Variants in VIL1 observed in about 807,000 individuals in gnomAD.
VIL1 encodes villin 1.
A neutral mutation model predicts 104.0 loss-of-function variants in VIL1; 86 were observed. The observed-to-expected ratio is 0.83, with a 90% CI of 0.69 to 0.99. The LOEUF (loss-of-function observed/expected upper bound fraction) is 0.99, where lower values mean the gene tolerates loss of function less well. VIL1 is among the 50% of genes least tolerant of loss of function. The pLI, the probability that VIL1 is intolerant of heterozygous loss-of-function variation, is 0.00. For missense variants in VIL1, 944 were observed against 1,054.1 expected, an observed-to-expected ratio of 0.90 and a Z score of 1.45; for synonymous variants, 394 against 412.6, an observed-to-expected ratio of 0.95 and a Z score of 0.55.
At chr2:218,449,131 C>T (rs1466143366) in intron 19 of VIL1, 92 bp from the exon 20 acceptor site, 1 of 856,452 alleles carries the variant, frequency 1.2e-6, no homozygotes, top group Non-Finnish European at 2.0e-6. Context: ...TTATATACCA[C>T]ATCTATGACT....
rs144272948 is a variant in VIL1, at chr2:218,432,174, C to G, written c.1332C>G (p.Tyr444Ter). ...GCGAGAAGCAGCATTACCTGCTCTA[C>G]GTTTGGCAGGTCAGGTCCCGCCACG... ...LIGEKQHYLLYVWQGSQASQD... is the reference protein window; with the variant it reads ...LIGEKQHYLL The change falls in exon 12 of 20, where the codon TAC (tyrosine) becomes TAG (stop). Residue 444 changes from tyrosine to a stop codon, truncating the protein, a stop_gained. Coordinates refer to ENST00000248444, the MANE Select transcript of VIL1 (RefSeq NM_007127.3). LOFTEE classifies it high-confidence loss of function. 3.7e-6 allele frequency: 6 copies of G among 1,612,858 alleles called. No homozygotes were observed. The highest frequency in any genetic ancestry group is 1.7e-4 in the Middle Eastern group (1 of 5,862).
intron 12 of VIL1, 96 bp from the exon 13 acceptor site, chr2:218,432,697 G>A (rs1051216963): frequency 1.8e-5 from 28 of 1,519,878 alleles, no homozygotes; most frequent in Non-Finnish European, 2.3e-5. Flanking sequence ...TTTAGGACCA[G>A]TTCAGACTTG....
At position 218,425,786 on chromosome 2, in the gene VIL1, C is replaced by T. The variant is rs767278175; in HGVS notation, c.322C>T (p.Arg108Ter). The T allele has an allele frequency of 7.4e-6, 12 of 1,611,736 alleles. No homozygotes were observed. The highest frequency in any genetic ancestry group is 6.7e-5 in the East Asian group (3 of 44,878). The change falls in exon 4 of 20, where the codon CGA becomes TGA. Residue 108 changes from arginine (R) to a stop codon, truncating the protein, a stop_gained. Transcript: ENST00000248444. LOFTEE classifies it high-confidence loss of function. ...EVQGNESEAF[R>*]GYFKQGLVIR... is the part of the protein sequence containing the mutation. The stretch of plus-strand genomic sequence containing the variant: ...CCAGGGCAACGAGAGCGAGGCCTTC[C>T]GAGGCTACTTCAAGCAAGGCCTTGT...
rs1377653778 is a variant in VIL1, at chr2:218,436,578, G to C, written c.1923G>C (p.Gln641His). Reference sequence around the variant, plus strand: ...CCACAGAGATCCCTGACTTCAATCAGGATGACTTGGAAGAGGATGATGTGT... The same window carrying C: ...CCACAGAGATCCCTGACTTCAATCACGATGACTTGGAAGAGGATGATGTGT... ...FLATEIPDFNQDDLEEDDVFL... is the reference protein window; with the variant it reads ...FLATEIPDFNHDDLEEDDVFL... The change falls in exon 16 of 20, where the codon CAG becomes CAC. Residue 641 changes from glutamine to histidine, a missense_variant. Physicochemically the swap from Gln to His is conservative, Grantham distance 24 (BLOSUM62 0). Transcript: ENST00000248444. 1.2e-6 allele frequency: 2 copies of C among 1,613,978 alleles called. No homozygotes were observed. The highest frequency in any genetic ancestry group is 2.7e-5 in the African/African-American group (2 of 74,864).
chr2:218,440,912 C>T, intron 19 of VIL1, 50 bp downstream of exon 19: 1 of 1,603,702 alleles, frequency 6.2e-7, no homozygotes, highest in Non-Finnish European at 8.5e-7. Context: ...GTTGGACCAC[C>T]ATAGTTGACT....
rs1313328951 is a variant in VIL1 at position 218,450,978 on chromosome 2, C to A, written c.*1642C>A. ...CCTGAAGTCTAGTAATCAAAGCATG[C>A]CATAAGGTGAATGATTGTGGTTAAA... On this transcript the variant is annotated 3_prime_UTR_variant, in exon 20 of 20. Coordinates refer to ENST00000248444, the MANE Select transcript of VIL1 (RefSeq NM_007127.3). 1 of 152,056 alleles carries A rather than the reference C, an allele frequency of 6.6e-6. No homozygotes were observed. The highest frequency in any genetic ancestry group is 2.4e-5 in the African/African-American group (1 of 41,364). The allele number at this position is 152,056 out of a possible 1,614,324, so 9.4% of individuals were successfully genotyped here.
chr2:218,423,085 T>C (rs1464084873), intron 1 of VIL1, among the ~76,000 whole-genome samples: 1 of 152,088 alleles, frequency 6.6e-6, no homozygotes, highest in Admixed American at 6.6e-5. Flanking sequence ...CAGGAGCGAA[T>C]ACAGCTACAG....
rs1689235086 is a variant in VIL1 at position 218,438,675 on chromosome 2, G to A, written c.2178G>A (p.Glu726=). Residue 726 remains glutamate, a synonymous_variant, in exon 18 of 20, where the codon GAG becomes GAA. Transcript: ENST00000248444. ...ATGTGCAGAACACCAAATCCTATGA[G>A]GACCTGAAGGCGGAGCTTGGCAACT... ...PFKWSNTKSY[E]DLKAELGNSR... The A allele has an allele frequency of 3.7e-6, 6 of 1,612,488 alleles. No individual in the cohort carries two copies. Among genetic ancestry groups the A allele is most frequent in the Admixed American group, 1.7e-5 (1 of 59,790 alleles).
At chr2:218,439,682 T>G (rs1414748346) in intron 18 of VIL1, among the ~76,000 whole-genome samples, 1 of 151,304 alleles carries the variant, frequency 6.6e-6, no homozygotes, top group Non-Finnish European at 1.5e-5. Flanking sequence ...CCAGGTGTGG[T>G]GGTGCGTGCT....
rs775345365 is a variant in VIL1 at position 218,440,830 on chromosome 2, C to T, written c.2338C>T (p.Leu780Phe). ...GCTAGTGAACAAGCCTGTAGAGGAGCTCCCCGAGGGTGTGGACCCCAGCAG... is the reference window on the plus strand; with the variant it reads ...GCTAGTGAACAAGCCTGTAGAGGAGTTCCCCGAGGGTGTGGACCCCAGCAG... ...EQLVNKPVEE[L>F]PEGVDPSRKE... Residue 780 changes from leucine (L) to phenylalanine (F), a missense_variant, in exon 19 of 20, where the codon CTC (leucine) becomes TTC (phenylalanine). Leu to Phe is a conservative substitution (Grantham distance 22). Coordinates refer to ENST00000248444, the MANE Select transcript of VIL1 (RefSeq NM_007127.3). 4 of 1,614,146 alleles carry T rather than the reference C, an allele frequency of 2.5e-6. No homozygotes were observed. The highest frequency in any genetic ancestry group is 1.1e-5 in the South Asian group (1 of 91,076).
rs190522081 is a variant in VIL1 at position 218,443,260 on chromosome 2, G to A, written c.2370+2398G>A. ...GTCGCCCAGGCTGGAGTGCAGTGGC[G>A]CGATCTCGGCTCACTGCAACCTCTG... On this transcript the variant is annotated intron_variant, in intron 19 of 19. Transcript: ENST00000248444. 2.0e-5 allele frequency among the ~76,000 whole-genome samples: 3 copies of A among 149,972 alleles called. No individual in the cohort carries two copies. In the Admixed American group the frequency reaches 2.0e-4, roughly 10 times the overall value.
At chr2:218,427,220 G>A (rs1392006549) in intron 4 of VIL1, among the ~76,000 whole-genome samples, 1 of 152,140 alleles carries the variant, frequency 6.6e-6, no homozygotes, top group African/African-American at 2.4e-5. Context: ...CGCTATGGCA[G>A]TAGTCCACTG....
At chr2:218,431,054 A>C in intron 10 of VIL1, 176 bp downstream of exon 10, 1 of 877,588 alleles carries the variant, frequency 1.1e-6, no homozygotes, top group Admixed American at 2.9e-5. Flanking sequence ...TGTCACAAAA[A>C]GGGAGCTGAG....
rs1489543562 is a variant in VIL1 at position 218,451,017 on chromosome 2, T to C, written c.*1681T>C. 2.0e-5 allele frequency: 3 copies of C among 152,096 alleles called. No individual in the cohort carries two copies. The highest frequency in any genetic ancestry group is 1.9e-4 in the East Asian group (1 of 5,204). The allele number at this position is 152,096 out of a possible 1,614,324, so 9.4% of individuals were successfully genotyped here. Reference sequence around the variant, plus strand: ...ATTGTGGTTAAACACAGCAAAATAATTGTCACAAAACTTTCAAGGCCTAAC... The same window carrying C: ...ATTGTGGTTAAACACAGCAAAATAACTGTCACAAAACTTTCAAGGCCTAAC... On this transcript the variant is annotated 3_prime_UTR_variant, in exon 20 of 20. Transcript: ENST00000248444.
rs1357625681 is a variant in VIL1, at chr2:218,451,626, CAGA to C, written c.*2295_*2297del. Reference sequence around the variant, plus strand: ...TACATAATGGTAACTACACACGATACAGAAGAATCAGTAAATTCATGGATTATT... The same window carrying C: ...TACATAATGGTAACTACACACGATACAGAATCAGTAAATTCATGGATTATT... On this transcript the variant is annotated 3_prime_UTR_variant, in exon 20 of 20. Coordinates refer to ENST00000248444, the MANE Select transcript of VIL1 (RefSeq NM_007127.3). 2.0e-5 allele frequency: 3 copies of C among 151,866 alleles called. No individual in the cohort carries two copies. The highest frequency in any genetic ancestry group is 7.3e-5 in the African/African-American group (3 of 41,346). 9.4% of individuals were successfully genotyped at this position (151,866 alleles called of 1,614,324 possible). A position where few individuals can be genotyped will look rare whatever the true frequency, so the allele number is the denominator to read the frequency against.
chr2:218,437,420 A>C lies in VIL1; in HGVS notation c.2160+108A>C, dbSNP rs1689215763. 11 of 1,383,200 alleles carry C rather than the reference A, an allele frequency of 8.0e-6. No individual in the cohort carries two copies. The South Asian group carries it at 1.5e-4, about 19-fold the overall frequency. The allele number at this position is 1,383,200 out of a possible 1,614,324, so 85.7% of individuals were successfully genotyped here. On this transcript the variant is annotated intron_variant, in intron 17 of 19. Coordinates refer to ENST00000248444, the MANE Select transcript of VIL1 (RefSeq NM_007127.3). ...GGGATATATGACCTGCTGATTTAGA[A>C]AGGGGCTAGAGGAGGCTTAGAATAG...
chr2:218,428,864 G>C (rs1220342665), intron 6 of VIL1, among the ~76,000 whole-genome samples: 1 of 152,138 alleles, frequency 6.6e-6, no homozygotes, highest in Non-Finnish European at 1.5e-5. Context: ...GTGGAGACAG[G>C]GTTTCACCAT....
chr2:218,432,739 G>T (rs1271101111), intron 12 of VIL1, 54 bp from the exon 13 acceptor site: 23 of 1,606,050 alleles, frequency 1.4e-5, no homozygotes, highest in South Asian at 5.6e-5. Context: ...CTGAGGATGG[G>T]GTCAGAATTG....
Position 218,429,707 on chromosome 2 carries a change from G to A in VIL1, c.849+32G>A, listed in dbSNP as rs766284182. On this transcript the variant is annotated intron_variant, in intron 8 of 19. Coordinates refer to ENST00000248444, the MANE Select transcript of VIL1 (RefSeq NM_007127.3). ...GGGTCTGGAGACCCCTCAGCCTACT[G>A]CAGCCTGGCCCCCTTTCCCTCAAGC... 1.5e-5 allele frequency: 24 copies of A among 1,613,198 alleles called. No homozygotes were observed. The South Asian group carries it at 2.5e-4, about 17-fold the overall frequency.
Sources: allele counts gnomAD v4.1 joint callset (sites outside exome capture counted in the v4.1 genomes callset), GRCh38; gene constraint gnomAD v4.1.1; transcripts MANE v1.5; gene names NCBI Gene and HGNC (gene_info 2026-07-23, HGNC 2026-07-21).